The following SAMD12 variants were observed in gnomAD, a reference collection of about 807,000 sequenced individuals.
The protein encoded by SAMD12 is sterile alpha motif domain-containing protein 12.
In SAMD12, 9 loss-of-function variants were observed where a neutral mutation model predicts 15.0. The ratio of observed to expected loss-of-function variants is 0.60; its 90% CI spans 0.36 to 1.05. The LOEUF is 1.05. Among genes scored for constraint, SAMD12 ranks in the 50% least tolerant of loss-of-function variants. The probability of loss-of-function intolerance (pLI) is 0.01; values close to 1 mark genes in which losing one functional copy is unlikely to be tolerated. For missense variants in SAMD12, 230 were observed against 234.2 expected, an observed-to-expected ratio of 0.98 and a Z score of 0.12; for synonymous variants, 86 against 90.1, an observed-to-expected ratio of 0.96 and a Z score of 0.25.
chr8:118,427,694 T>C (rs935211496), intron 3 of SAMD12, among the ~76,000 whole-genome samples: 13 of 152,238 alleles, frequency 8.5e-5, no homozygotes, highest in Non-Finnish European at 1.8e-4. Flanking sequence ...TTGACTGATA[T>C]AAGGGTTGTT....
intron 4 of SAMD12, among the ~76,000 whole-genome samples, chr8:118,290,165 T>C (rs557184573): frequency 3.2e-4 from 48 of 152,332 alleles, no homozygotes; most frequent in South Asian, 2.1e-3. Context: ...CCCTATTTGA[T>C]ATTAAGAAAA....
In SAMD12 at chr8:118,327,093, T is replaced by G. The variant is rs547471233; in HGVS notation, c.433+52467A>C. Among the ~76,000 whole-genome samples, 341 of 152,332 alleles carry G rather than the reference T, an allele frequency of 2.2e-3. 2 individuals are homozygous for G. The highest frequency in any genetic ancestry group is 4.4e-3 in the Non-Finnish European group (296 of 68,028). On this transcript the variant is annotated intron_variant, in intron 4 of 4. Transcript: ENST00000409003. ...CAAAAAGATGGACTCAGTGAGGGAA[T>G]TACATAGGGAATACAAGAATGGACT...
intron 1 of SAMD12, among the ~76,000 whole-genome samples, chr8:118,587,332 C>T (rs1167355039): frequency 6.6e-6 from 1 of 152,136 alleles, no homozygotes; most frequent in African/African-American, 2.4e-5. Flanking sequence ...ATTCTGGATT[C>T]GAATTCAGCA....
intron 4 of SAMD12, among the ~76,000 whole-genome samples, chr8:118,251,304 C>T (rs1387547245): frequency 6.6e-6 from 1 of 152,068 alleles, no homozygotes. Context: ...AGCTTCAGTC[C>T]ACACATAACA....
At chr8:118,156,038 C>A in the SAMD12 span, among the ~76,000 whole-genome samples, 1 of 152,094 alleles carries the variant, frequency 6.6e-6, no homozygotes, top group Non-Finnish European at 1.5e-5. Context: ...TATTTTCAGT[C>A]TTTTGCAATG....
chr8:118,345,698 G>A (rs1381146936), intron 4 of SAMD12, among the ~76,000 whole-genome samples: 1 of 152,218 alleles, frequency 6.6e-6, no homozygotes, highest in African/African-American at 2.4e-5. Context: ...CTAGTCCCTG[G>A]TGGCTTGTTG....
At chr8:118,265,557 G>A (rs1813177215) in intron 4 of SAMD12, among the ~76,000 whole-genome samples, 1 of 152,024 alleles carries the variant, frequency 6.6e-6, no homozygotes, top group Non-Finnish European at 1.5e-5. Context: ...TATCAAAGAT[G>A]TAAGATAAAA....
chr8:118,560,372 A>G (rs2131208838), intron 2 of SAMD12, among the ~76,000 whole-genome samples: 1 of 152,350 alleles, frequency 6.6e-6, no homozygotes, highest in Middle Eastern at 3.4e-3. Context: ...ACAGCCATGT[A>G]GAATTATTAC....
intron 3 of SAMD12, among the ~76,000 whole-genome samples, chr8:118,406,203 T>C (rs1354037393): frequency 6.6e-6 from 1 of 151,776 alleles, no homozygotes; most frequent in East Asian, 1.9e-4. Context: ...AAACAAACAC[T>C]ATGGATTCTT....
chr8:118,315,194 T>G (rs762461002), intron 4 of SAMD12, among the ~76,000 whole-genome samples: 1 of 152,206 alleles, frequency 6.6e-6, no homozygotes, highest in Non-Finnish European at 1.5e-5. Context: ...TTTTGGTGAA[T>G]GCTGTTAATT....
At chr8:118,508,374 G>A (rs1824983159) in intron 2 of SAMD12, among the ~76,000 whole-genome samples, 1 of 151,946 alleles carries the variant, frequency 6.6e-6, no homozygotes, top group Non-Finnish European at 1.5e-5. Flanking sequence ...AGAGCTTAAA[G>A]TATAAGAAAA....
At chr8:118,593,792 A>G (rs1166047422) in intron 1 of SAMD12, among the ~76,000 whole-genome samples, 4 of 152,208 alleles carry the variant, frequency 2.6e-5, no homozygotes, top group Non-Finnish European at 2.9e-5. Flanking sequence ...TTTCTTTTCT[A>G]TAGTTGTGTA....
At position 118,378,868 on chromosome 8, in the gene SAMD12, T is replaced by C. The variant is rs954928083; in HGVS notation, c.*549A>G. 2.0e-6 allele frequency: 2 copies of C among 981,032 alleles called. No individual in the cohort carries two copies. Among genetic ancestry groups the C allele is most frequent in the Non-Finnish European group, 2.4e-6 (2 of 825,850 alleles). The allele number at this position is 981,032 out of a possible 1,614,324, so 60.8% of individuals were successfully genotyped here. On this transcript the variant is annotated 3_prime_UTR_variant, in exon 4 of 4. Transcript: ENST00000314727. Reference sequence around the variant, plus strand: ...CTTCCACAGTTATTGAGATCTTAAGTGCTCTCATCATATTGAAGTTATTTA... The same window carrying C: ...CTTCCACAGTTATTGAGATCTTAAGCGCTCTCATCATATTGAAGTTATTTA...
chr8:118,490,185 C>T lies in SAMD12; in HGVS notation c.193-50224G>A, dbSNP rs185920523. 5.9e-5 allele frequency among the ~76,000 whole-genome samples: 9 copies of T among 152,192 alleles called. No homozygotes were observed. The East Asian group carries it at 7.7e-4, about 13-fold the overall frequency. On this transcript the variant is annotated intron_variant, in intron 2 of 3. Coordinates refer to ENST00000314727, the MANE Select transcript of SAMD12 (RefSeq NM_207506.3). Reference sequence around the variant, plus strand: ...TTCAGCTGTTTAGATATGAGAGTCACGTAACTTTCCTATTTAAGATGCTAA... The same window carrying T: ...TTCAGCTGTTTAGATATGAGAGTCATGTAACTTTCCTATTTAAGATGCTAA...
chr8:118,435,059 C>T (rs1822538823), intron 3 of SAMD12, among the ~76,000 whole-genome samples: 1 of 24,878 alleles, frequency 4.0e-5, no homozygotes, highest in African/African-American at 8.6e-5. Context: ...GCCGAGATCC[C>T]GCCACTGCAC....
chr8:118,505,312 A>G (rs1015001702), intron 2 of SAMD12, among the ~76,000 whole-genome samples: 3 of 142,434 alleles, frequency 2.1e-5, no homozygotes, highest in African/African-American at 7.8e-5. Context: ...CTTCTTTAGT[A>G]TCTATTGTCT....
chr8:118,174,930 A>C, the SAMD12 span, among the ~76,000 whole-genome samples: 4,403 of 152,042 alleles, frequency 0.029, 212 homozygotes, highest in African/African-American at 0.098. Context: ...ATGGAATTTT[A>C]TCTCTAAATA....
intron 2 of SAMD12, among the ~76,000 whole-genome samples, chr8:118,550,513 G>C (rs1826292947): frequency 6.6e-6 from 1 of 152,088 alleles, no homozygotes; most frequent in Admixed American, 6.6e-5. Flanking sequence ...TGCCCTAAAA[G>C]AGCTCCTGAA....
chr8:118,400,958 A>C (rs913734953), intron 3 of SAMD12, among the ~76,000 whole-genome samples: 1 of 152,248 alleles, frequency 6.6e-6, no homozygotes, highest in African/African-American at 2.4e-5. Context: ...AGTCTTCCAC[A>C]TAAAGATGTC....
Sources: gnomAD v4.1 joint callset for allele counts (sites outside exome capture counted in the v4.1 genomes callset) on GRCh38, gnomAD v4.1.1 for gene constraint, MANE v1.5 for transcripts, NCBI Gene and HGNC (gene_info 2026-07-23, HGNC 2026-07-21) for gene names.